CLIP4: variants seen among roughly 807,000 people sequenced by gnomAD.
CLIP4 encodes CAP-Gly domain-containing linker protein 4.
Under a neutral mutation model 73.1 loss-of-function variants are expected in CLIP4, and 47 were observed. That is an observed-to-expected ratio of 0.64 (90% CI 0.51 to 0.82). CLIP4 has a LOEUF of 0.82. Among genes scored for constraint, CLIP4 ranks in the 40% least tolerant of loss-of-function variants. The pLI, the probability that CLIP4 is intolerant of heterozygous loss-of-function variation, is 0.00. For synonymous variants in CLIP4, 306 were observed against 295.4 expected (o/e 1.04, Z -0.37); for missense variants, 874 against 852.9 (o/e 1.02, Z -0.31).
At chr2:29,110,938 G>A (rs895106332), upstream of CLIP4, among the ~76,000 whole-genome samples, 1 of 152,012 alleles carries the variant, frequency 6.6e-6, no homozygotes, top group Admixed American at 6.5e-5. Flanking sequence ...ATCCTTCCTC[G>A]GCCACTGAAA....
intron 12 of CLIP4, among the ~76,000 whole-genome samples, chr2:29,161,618 A>G (rs1000431144): frequency 2.0e-5 from 3 of 152,100 alleles, no homozygotes; most frequent in African/African-American, 4.8e-5. Context: ...GAGTATCAGC[A>G]TTTTCTTGAA....
Position 29,115,999 on chromosome 2 carries a change from C to T in CLIP4, c.-16+334C>T, listed in dbSNP as rs1284837274. Reference sequence around the variant, plus strand: ...GGCTCTGGGCCACGACCGCCAGCCGCGGCTGCCCCGAGAGTCCCCGCACGC... The same window carrying T: ...GGCTCTGGGCCACGACCGCCAGCCGTGGCTGCCCCGAGAGTCCCCGCACGC... On this transcript the variant is annotated intron_variant, in intron 1 of 15. Coordinates refer to ENST00000320081, the MANE Select transcript of CLIP4 (RefSeq NM_024692.6). This position sits in a 1 kb window ranked among gnomAD's most constrained non-coding sequence, Gnocchi z 5.1. Among the ~76,000 whole-genome samples, 3 of 152,310 alleles carry T rather than the reference C, an allele frequency of 2.0e-5. No homozygotes were observed. The highest frequency in any genetic ancestry group is 2.1e-4 in the South Asian group (1 of 4,834).
intron 8 of CLIP4, among the ~76,000 whole-genome samples, chr2:29,151,412 T>TGA (rs150784503): frequency 4.8e-4 from 72 of 151,336 alleles, no homozygotes; most frequent in South Asian, 4.4e-3. Context: ...TCACCAGGCT[T>TGA]GAGAGAGAGA....
At chr2:29,157,567 T>C (rs1667012754) in intron 11 of CLIP4, among the ~76,000 whole-genome samples, 1 of 152,246 alleles carries the variant, frequency 6.6e-6, no homozygotes, top group South Asian at 2.1e-4. Flanking sequence ...TAATTCATTC[T>C]TAGTGGTTTT....
rs752868072 is a variant in CLIP4 at position 29,182,976 on chromosome 2, GTGT to G, written c.*1088_*1090del. On this transcript the variant is annotated 3_prime_UTR_variant, in exon 16 of 16. Transcript: ENST00000320081. ...TTTTGTTTTGTTACTCATAGAACTG[GTGT>G]TGTTTGCTGTTTTTATTTCTCTAAT... The G allele has an allele frequency of 1.3e-5, 2 of 152,520 alleles. No homozygotes were observed. The highest frequency in any genetic ancestry group is 2.9e-5 in the Non-Finnish European group (2 of 68,034). The allele number at this position is 152,520 out of a possible 1,614,324, so 9.4% of individuals were successfully genotyped here.
intron 15 of CLIP4, among the ~76,000 whole-genome samples, chr2:29,178,182 A>G (rs1467386401): frequency 6.9e-6 from 1 of 144,672 alleles, no homozygotes; most frequent in Non-Finnish European, 1.5e-5. Flanking sequence ...ATGTGTCTGA[A>G]TTTTTTTTTT....
intron 8 of CLIP4, among the ~76,000 whole-genome samples, chr2:29,147,816 G>A (rs1202169135): frequency 2.0e-5 from 3 of 152,108 alleles, no homozygotes; most frequent in Admixed American, 6.6e-5. Flanking sequence ...TAGCTGTAAT[G>A]TAAATGTTTT....
chr2:29,121,599 CT>C, intron 2 of CLIP4, 78 bp downstream of exon 2: 2 of 1,493,136 alleles, frequency 1.3e-6, no homozygotes, highest in African/African-American at 2.8e-5. Context: ...CACTCATAGT[CT>C]TTCTTAGAAC....
chr2:29,180,433 A>G (rs373885217), intron 15 of CLIP4, among the ~76,000 whole-genome samples: 11 of 152,258 alleles, frequency 7.2e-5, no homozygotes, highest in African/African-American at 2.6e-4. Flanking sequence ...GTTCTTGCAC[A>G]CTGTAAGGAA....
chr2:29,175,963 G>A (rs1413329770), intron 15 of CLIP4, among the ~76,000 whole-genome samples: 3 of 152,098 alleles, frequency 2.0e-5, no homozygotes, highest in Non-Finnish European at 2.9e-5. Flanking sequence ...GGATTTCACT[G>A]TGTTAGCCAG....
chr2:29,100,130 G>A lies in CLIP4; in HGVS notation c.-16+2183G>A, dbSNP rs181739237. ...TTTTTGTAGAGACAGGGTTTTCGCC[G>A]TGTTGCCCAGGCTGGTCTCAAACTC... On this transcript the variant is annotated intron_variant, in intron 1 of 14. Coordinates refer to the CLIP4 transcript ENST00000401605. Among the ~76,000 whole-genome samples the A allele has an allele frequency of 1.3e-3, 196 of 151,846 alleles. 1 individual carries two copies. Among genetic ancestry groups the A allele is most frequent in the Non-Finnish European group, 2.0e-3 (136 of 67,952 alleles).
At chr2:29,150,725 G>A (rs1666505392) in intron 8 of CLIP4, among the ~76,000 whole-genome samples, 1 of 140,908 alleles carries the variant, frequency 7.1e-6, no homozygotes, top group Non-Finnish European at 1.5e-5. Flanking sequence ...CCAGGTTCAA[G>A]CGATTCTCCT....
intron 1 of CLIP4, among the ~76,000 whole-genome samples, chr2:29,103,879 A>G (rs1055127665): frequency 1.3e-5 from 2 of 151,532 alleles, no homozygotes; most frequent in Non-Finnish European, 2.9e-5. Context: ...ATGCCCAGTT[A>G]ATTTTTTTTT....
chr2:29,176,697 C>G (rs1035645408), intron 15 of CLIP4, among the ~76,000 whole-genome samples: 1 of 152,210 alleles, frequency 6.6e-6, no homozygotes, highest in African/African-American at 2.4e-5. Context: ...TTCTCCTTCA[C>G]TCTGCGGATG....
At chr2:29,132,080 C>T (rs1005545384) in intron 3 of CLIP4, 72 bp from the exon 4 acceptor site, 2 of 1,104,500 alleles carry the variant, frequency 1.8e-6, no homozygotes, top group Non-Finnish European at 2.8e-6. Flanking sequence ...AACTTGGTTC[C>T]TCAGCATTGG....
chr2:29,144,692 G>T (rs552669194), intron 7 of CLIP4, among the ~76,000 whole-genome samples: 25 of 150,516 alleles, frequency 1.7e-4, no homozygotes, highest in African/African-American at 5.1e-4. Flanking sequence ...CCCTAGCCCT[G>T]TCCCTTCAGT....
intron 2 of CLIP4, among the ~76,000 whole-genome samples, chr2:29,125,668 G>A (rs1664555478): frequency 6.6e-6 from 1 of 152,136 alleles, no homozygotes; most frequent in African/African-American, 2.4e-5. Flanking sequence ...AGTTACCTGG[G>A]GCATGTGTAG....
intron 2 of CLIP4, among the ~76,000 whole-genome samples, chr2:29,125,919 A>C (rs1248593404): frequency 6.6e-6 from 1 of 152,212 alleles, no homozygotes; most frequent in Non-Finnish European, 1.5e-5. Context: ...TCACACTTGT[A>C]ATCCCAGCAC....
At position 29,182,007 on chromosome 2, in the gene CLIP4, C is replaced by A. The variant is rs1465806491; in HGVS notation, c.*114C>A. 1.2e-6 allele frequency: 1 copy of A among 823,408 alleles called. No individual in the cohort carries two copies. The highest frequency in any genetic ancestry group is 1.7e-5 in the African/African-American group (1 of 57,928). The allele number at this position is 823,408 out of a possible 1,614,324, so 51.0% of individuals were successfully genotyped here. On this transcript the variant is annotated 3_prime_UTR_variant, in exon 16 of 16. Coordinates refer to ENST00000320081, the MANE Select transcript of CLIP4 (RefSeq NM_024692.6). ...AAAATTTTGAAAATATAGTTATCTTCTTAAAAACCATTATAACAATTCAGA... is the reference window on the plus strand; with the variant it reads ...AAAATTTTGAAAATATAGTTATCTTATTAAAAACCATTATAACAATTCAGA...
Sources: allele counts gnomAD v4.1 joint callset (sites outside exome capture counted in the v4.1 genomes callset), GRCh38; gene constraint gnomAD v4.1.1; non-coding constraint Gnocchi (gnomAD v3.1); transcripts MANE v1.5; gene names NCBI Gene and HGNC (gene_info 2026-07-23, HGNC 2026-07-21).